Variants in DCC observed in about 807,000 individuals in gnomAD.
DCC encodes netrin receptor DCC.
A neutral mutation model predicts 172.5 loss-of-function variants in DCC; 58 were observed. The ratio of observed to expected loss-of-function variants is 0.34; its 90% CI spans 0.27 to 0.42. The LOEUF is 0.42. Among genes scored for constraint, DCC ranks in the 10% least tolerant of loss-of-function variants. The pLI is 1.00. For synonymous variants in DCC, 709 were observed against 644.5 expected (o/e 1.10, Z -1.52); for missense variants, 1,740 against 1,791.0 (o/e 0.97, Z 0.51).
At chr18:53,163,753 C>T (rs1327697354) in intron 8 of DCC, among the ~76,000 whole-genome samples, 1 of 152,098 alleles carries the variant, frequency 6.6e-6, no homozygotes, top group Non-Finnish European at 1.5e-5. Context: ...TCTAGCTATC[C>T]CCTCTTAGTA....
chr18:53,375,051 A>G (rs193026657), intron 15 of DCC, among the ~76,000 whole-genome samples: 51 of 152,292 alleles, frequency 3.3e-4, no homozygotes, highest in Non-Finnish European at 6.6e-4. Flanking sequence ...GAGCACTGCT[A>G]CTTAATGAGC....
intron 5 of DCC, among the ~76,000 whole-genome samples, chr18:52,931,192 C>T (rs188899857): frequency 7.2e-4 from 110 of 152,086 alleles, no homozygotes; most frequent in Non-Finnish European, 7.4e-5. Flanking sequence ...TTGAAATAAT[C>T]TTTGACTACT....
At chr18:53,139,877 T>C (rs2144345474) in intron 7 of DCC, among the ~76,000 whole-genome samples, 1 of 152,304 alleles carries the variant, frequency 6.6e-6, no homozygotes, top group South Asian at 2.1e-4. Context: ...CTAGTGCTTA[T>C]ACTCTGTTTA....
At chr18:52,836,266 C>A (rs1329451035) in intron 2 of DCC, among the ~76,000 whole-genome samples, 1 of 152,072 alleles carries the variant, frequency 6.6e-6, no homozygotes, top group Non-Finnish European at 1.5e-5. Context: ...TAATTCTTCC[C>A]CTGGTTCCTC....
intron 12 of DCC, among the ~76,000 whole-genome samples, chr18:53,273,251 T>A (rs1200928076): frequency 6.6e-6 from 1 of 152,178 alleles, no homozygotes; most frequent in Non-Finnish European, 1.5e-5. Context: ...ATTTTTTTCA[T>A]AATATGAAAT....
intron 7 of DCC, among the ~76,000 whole-genome samples, chr18:53,118,566 A>G (rs750969553): frequency 6.6e-6 from 1 of 151,798 alleles, no homozygotes; most frequent in Non-Finnish European, 1.5e-5. Flanking sequence ...TGGAATTACT[A>G]ATTCTGAGTA....
chr18:53,052,746 C>T (rs912627096), intron 5 of DCC, among the ~76,000 whole-genome samples: 1 of 152,098 alleles, frequency 6.6e-6, no homozygotes, highest in Non-Finnish European at 1.5e-5. Context: ...TCTCAAGTTT[C>T]CAATTAGCTG....
intron 7 of DCC, among the ~76,000 whole-genome samples, chr18:53,086,926 T>C (rs976799279): frequency 6.6e-6 from 1 of 151,774 alleles, no homozygotes; most frequent in Admixed American, 6.6e-5. Context: ...ACAAAGGACA[T>C]GAACTCATCA....
chr18:52,463,874 A>T (rs1366299336), intron 1 of DCC, among the ~76,000 whole-genome samples: 1 of 152,208 alleles, frequency 6.6e-6, no homozygotes, highest in Admixed American at 6.5e-5. Flanking sequence ...GTGTTTTAAT[A>T]GCTATAAATA....
chr18:53,390,358 T>G (rs1908467665), intron 16 of DCC, among the ~76,000 whole-genome samples: 1 of 152,028 alleles, frequency 6.6e-6, no homozygotes, highest in South Asian at 2.1e-4. Context: ...AACAGAGTGA[T>G]GAATAGGGGA....
chr18:53,517,722 A>AT (rs1416537432), intron 27 of DCC, among the ~76,000 whole-genome samples: 3 of 151,836 alleles, frequency 2.0e-5, no homozygotes, highest in African/African-American at 7.3e-5. Flanking sequence ...TGTTTCCCTT[A>AT]TTTTTGAGGA....
chr18:52,832,437 G>C (rs1326709276), intron 2 of DCC, among the ~76,000 whole-genome samples: 3 of 47,786 alleles, frequency 6.3e-5, no homozygotes, highest in African/African-American at 1.9e-4. Context: ...AACTCTGCAT[G>C]TACCTGTGCA....
At chr18:52,642,952 C>G (rs1459224633) in intron 1 of DCC, among the ~76,000 whole-genome samples, 1 of 152,124 alleles carries the variant, frequency 6.6e-6, no homozygotes, top group Non-Finnish European at 1.5e-5. Context: ...TGCACCTAGC[C>G]CTAATAAGAT....
chr18:52,965,244 T>C (rs2145576014), intron 5 of DCC: 1 of 152,274 alleles, frequency 6.6e-6, no homozygotes, highest in South Asian at 2.1e-4. Context: ...AAATATTATC[T>C]CAGAGAAGAC....
intron 26 of DCC, among the ~76,000 whole-genome samples, chr18:53,490,486 T>C (rs2045948960): frequency 6.6e-6 from 1 of 152,150 alleles, no homozygotes; most frequent in Admixed American, 6.5e-5. Flanking sequence ...TAAAGTACCT[T>C]GAGATTTGAC....
intron 2 of DCC, among the ~76,000 whole-genome samples, chr18:52,895,580 TAAA>T (rs1170216329): frequency 1.3e-5 from 2 of 152,200 alleles, no homozygotes; most frequent in Non-Finnish European, 2.9e-5. Flanking sequence ...TTCGCTCATT[TAAA>T]AAAAGTTTAT....
At chr18:53,027,890 G>C (rs2041978223) in intron 5 of DCC, among the ~76,000 whole-genome samples, 2 of 152,046 alleles carry the variant, frequency 1.3e-5, no homozygotes, top group South Asian at 4.1e-4. Context: ...TATAAAGGGA[G>C]GAAGTACTGG....
intron 1 of DCC, among the ~76,000 whole-genome samples, chr18:52,371,380 C>T (rs12607515): frequency 0.1 from 15,695 of 152,106 alleles, 1,049 homozygotes; most frequent in African/African-American, 0.19. Context: ...CAATTTTTAT[C>T]AAATGCCTAA....
At chr18:52,669,516 C>A (rs2035514088) in intron 1 of DCC, among the ~76,000 whole-genome samples, 1 of 152,150 alleles carries the variant, frequency 6.6e-6, no homozygotes, top group Non-Finnish European at 1.5e-5. Context: ...AAGGTTAGAA[C>A]CAAGATGGAA....
Sources: gnomAD v4.1 joint callset for allele counts (sites outside exome capture counted in the v4.1 genomes callset) on GRCh38, gnomAD v4.1.1 for gene constraint, MANE v1.5 for transcripts, NCBI Gene and HGNC (gene_info 2026-07-23, HGNC 2026-07-21) for gene names.